Variants in TPRG1 observed in about 807,000 individuals in gnomAD.
TPRG1 encodes tumor protein p63 regulated 1.
Under a neutral mutation model 29.3 loss-of-function variants are expected in TPRG1, and 29 were observed. That is an observed-to-expected ratio of 0.99 (90% confidence interval 0.74 to 1.35). The LOEUF is 1.35. Among genes scored for constraint, TPRG1 ranks in the 40% most tolerant of loss-of-function variants. The pLI, the probability that TPRG1 is intolerant of heterozygous loss-of-function variation, is 0.00. For synonymous variants in TPRG1, 130 were observed against 116.8 expected, an observed-to-expected ratio of 1.11 and a Z score of -0.73; for missense variants, 327 against 335.0, an observed-to-expected ratio of 0.98 and a Z score of 0.19.
At chr3:189,238,644 C>A (rs879285966) in intron 3 of TPRG1, 89 bp from the exon 4 acceptor site, 2 of 1,147,218 alleles carry the variant, frequency 1.7e-6, no homozygotes, top group African/African-American at 1.6e-5. Flanking sequence ...TCAAACTTCA[C>A]TGTTTTCTGT....
intron 4 of TPRG1, among the ~76,000 whole-genome samples, chr3:189,093,220 G>A (rs1718455652): frequency 6.6e-6 from 1 of 152,148 alleles, no homozygotes; most frequent in Admixed American, 6.5e-5. Flanking sequence ...TATAAAAGAT[G>A]AAGGAGAAGA....
chr3:189,207,355 AT>A lies in TPRG1; in HGVS notation c.-9-16del, dbSNP rs1339341097. ...ACAGAGGTAACATTTTTTCAATGAG[AT>A]TTTTCTGCCCTTGGTTTAGGCTGAA... On this transcript the variant is annotated intron_variant, in intron 1 of 5. Coordinates refer to ENST00000345063, the MANE Select transcript of TPRG1 (RefSeq NM_198485.4). The A allele has an allele frequency of 1.2e-6, 2 of 1,612,014 alleles. No homozygotes were observed. Among genetic ancestry groups the A allele is most frequent in the African/African-American group, 2.7e-5 (2 of 74,698 alleles).
intron 1 of TPRG1, among the ~76,000 whole-genome samples, chr3:189,193,298 A>G (rs1417502170): frequency 1.3e-5 from 2 of 151,812 alleles, no homozygotes; most frequent in African/African-American, 4.8e-5. Flanking sequence ...ACCATGTCCA[A>G]CTAATTTTTA....
intron 3 of TPRG1, among the ~76,000 whole-genome samples, chr3:189,225,647 C>T (rs751763745): frequency 3.5e-4 from 53 of 151,592 alleles, no homozygotes; most frequent in Middle Eastern, 6.8e-3. Context: ...GCAAACATGC[C>T]GCTTGATTTA....
At chr3:189,240,634 A>G (rs1029643631) in intron 4 of TPRG1, 1 of 152,174 alleles carries the variant, frequency 6.6e-6, no homozygotes, top group African/African-American at 2.4e-5. Flanking sequence ...CTCATTCACT[A>G]TCACGAGAAC....
At chr3:189,166,448 G>A (rs1332144509) in intron 5 of TPRG1, among the ~76,000 whole-genome samples, 1 of 152,190 alleles carries the variant, frequency 6.6e-6, no homozygotes, top group Non-Finnish European at 1.5e-5. Context: ...CTTTGAGCAC[G>A]TCCAAACTGC....
chr3:189,086,192 A>G (rs1343062792), intron 4 of TPRG1, among the ~76,000 whole-genome samples: 2 of 152,130 alleles, frequency 1.3e-5, no homozygotes, highest in African/African-American at 2.4e-5. Context: ...TTCAAGGGCA[A>G]GAAGCATCCA....
At position 189,085,179 on chromosome 3, in the gene TPRG1, C is replaced by T. The variant is rs139184440; in HGVS notation, c.-462-41878C>T. The stretch of plus-strand genomic sequence containing the variant: ...AAAAGCGAAAAGCAAGTACCGGGCT[C>T]TGTTACCAAGTGGGGCATAGGTACA... On this transcript the variant is annotated intron_variant, in intron 4 of 10. Transcript: ENST00000433971. Among the ~76,000 whole-genome samples the T allele has an allele frequency of 3.2e-3, 481 of 152,254 alleles. 8 individuals are homozygous for T. The highest frequency in any genetic ancestry group is 0.015 in the East Asian group (76 of 5,184).
intron 3 of TPRG1, among the ~76,000 whole-genome samples, chr3:189,133,331 A>G (rs1180281953): frequency 6.6e-6 from 1 of 152,192 alleles, no homozygotes; most frequent in Non-Finnish European, 1.5e-5. Context: ...AGGAAAAGGC[A>G]AAGGAGCAAG....
At chr3:189,230,583 T>C (rs1180199903) in intron 3 of TPRG1, among the ~76,000 whole-genome samples, 1 of 152,180 alleles carries the variant, frequency 6.6e-6, no homozygotes, top group African/African-American at 2.4e-5. Context: ...TGCAACAGCA[T>C]TTCGCTTTAC....
At position 189,067,524 on chromosome 3, in the gene TPRG1, C is replaced by T. The variant is rs150341834; in HGVS notation, c.-463+43578C>T. Among the ~76,000 whole-genome samples, 201 of 152,228 alleles carry T rather than the reference C, an allele frequency of 1.3e-3. 1 individual carries two copies. The highest frequency in any genetic ancestry group is 4.7e-3 in the African/African-American group (197 of 41,544). ...ACCCAGAAACAAATTCACACATCTG[C>T]AGTGAACTCTTTCTCAACAAAGGTA... On this transcript the variant is annotated intron_variant, in intron 4 of 10. Coordinates refer to the TPRG1 transcript ENST00000433971.
chr3:189,046,070 C>T (rs1020520012), intron 4 of TPRG1, among the ~76,000 whole-genome samples: 1 of 152,202 alleles, frequency 6.6e-6, no homozygotes, highest in Non-Finnish European at 1.5e-5. Flanking sequence ...GGAAATGAGT[C>T]TGCAAAAGCT....
intron 4 of TPRG1, among the ~76,000 whole-genome samples, chr3:189,290,149 G>A (rs753249836): frequency 7.2e-5 from 11 of 152,156 alleles, no homozygotes; most frequent in Admixed American, 2.6e-4. Flanking sequence ...CAGCTTCATA[G>A]CCTGACTTAT....
chr3:189,316,618 G>T (rs1045143423), intron 5 of TPRG1, among the ~76,000 whole-genome samples: 1 of 152,276 alleles, frequency 6.6e-6, no homozygotes, highest in East Asian at 1.9e-4. Flanking sequence ...CACTCGGCTG[G>T]TAAATAATTG....
chr3:189,022,170 G>T (rs144532835), intron 3 of TPRG1, among the ~76,000 whole-genome samples: 1 of 152,024 alleles, frequency 6.6e-6, no homozygotes, highest in Non-Finnish European at 1.5e-5. Flanking sequence ...CTTTGCCTTT[G>T]GTTTGAATGT....
In TPRG1 at chr3:189,001,512, C is replaced by T. The variant is rs540989756; in HGVS notation, c.-878+601C>T. Among the ~76,000 whole-genome samples the T allele has an allele frequency of 5.6e-4, 86 of 152,240 alleles. No individual in the cohort carries two copies. The Middle Eastern group carries it at 0.017, about 30-fold the overall frequency. On this transcript the variant is annotated intron_variant, in intron 2 of 10. Transcript: ENST00000433971. ...TCACTTGGTTGGAAGGGCAAACAAG[C>T]TCCCTTGGGTCTCTTTTAAAAGACA...
At chr3:189,058,046 C>T (rs530302260) in intron 4 of TPRG1, among the ~76,000 whole-genome samples, 1 of 151,706 alleles carries the variant, frequency 6.6e-6, no homozygotes, top group African/African-American at 2.4e-5. Flanking sequence ...TTTTCTGGAC[C>T]TCCACCATCT....
intron 4 of TPRG1, among the ~76,000 whole-genome samples, chr3:189,308,054 T>A (rs1365536707): frequency 6.6e-6 from 1 of 152,164 alleles, no homozygotes; most frequent in Non-Finnish European, 1.5e-5. Flanking sequence ...GTTACTGGCA[T>A]CATGACCACC....
At chr3:189,317,747 G>A (rs1026958358) in intron 5 of TPRG1, among the ~76,000 whole-genome samples, 10 of 152,206 alleles carry the variant, frequency 6.6e-5, no homozygotes, top group Admixed American at 2.0e-4. Flanking sequence ...AGATATTATC[G>A]GTTGTCATAT....
Sources: allele counts gnomAD v4.1 joint callset (sites outside exome capture counted in the v4.1 genomes callset), GRCh38; gene constraint gnomAD v4.1.1; transcripts MANE v1.5; gene names NCBI Gene and HGNC (gene_info 2026-07-23, HGNC 2026-07-21).